The following ADAMTS13 variants were observed in gnomAD, a reference collection of about 807,000 sequenced individuals.
The protein encoded by ADAMTS13 is ADAM metallopeptidase with thrombospondin type 1 motif 13, also known as A disintegrin and metalloproteinase with thrombospondin motifs 13.
Under a neutral mutation model 155.1 loss-of-function variants are expected in ADAMTS13, and 110 were observed. The ratio of observed to expected loss-of-function variants is 0.71; its 90% CI spans 0.61 to 0.83. The LOEUF (loss-of-function observed/expected upper bound fraction) is 0.83. Among genes scored for constraint, ADAMTS13 ranks in the 40% least tolerant of loss-of-function variants. The pLI, the probability that ADAMTS13 is intolerant of heterozygous loss-of-function variation, is 0.00. For synonymous variants in ADAMTS13, 758 were observed against 756.4 expected (o/e 1.00, Z -0.03); for missense variants, 1,707 against 1,891.7 (o/e 0.90, Z 1.81).
intron 23 of ADAMTS13, among the ~76,000 whole-genome samples, chr9:133,450,343 C>A (rs1842358402): frequency 1.3e-5 from 2 of 151,752 alleles, no homozygotes; most frequent in Admixed American, 1.3e-4. Context: ...CTGAGGCGGG[C>A]AGATCACCTG....
chr9:133,443,594 G>T (rs1554791620), intron 19 of ADAMTS13, 33 bp downstream of exon 19: 1 of 1,516,320 alleles, frequency 6.6e-7, no homozygotes, highest in Non-Finnish European at 8.8e-7. Context: ...CTGGGAGAGG[G>T]CCTTCCTGGC....
Position 133,426,345 on chromosome 9 carries a change from G to C in ADAMTS13, c.686G>C (p.Ser229Thr). The change falls in exon 6 of 29, where the codon AGC becomes ACC. Residue 229 changes from serine to threonine, a missense_variant and splice_region_variant. Physicochemically the swap from Ser to Thr is moderately conservative, Grantham distance 58 (BLOSUM62 1). Transcript: ENST00000355699. ...ACCATTGCCCATGAGATTGGGCACA[G>C]GTATGTAGCCCCACCAGCTGTCCCC... ...GVTIAHEIGH[S>T]FGLEHDGAPG... 1 of 1,600,360 alleles carries C rather than the reference G, an allele frequency of 6.2e-7. No individual in the cohort carries two copies. Among genetic ancestry groups the C allele is most frequent in the Non-Finnish European group, 8.5e-7 (1 of 1,179,954 alleles).
exon 1 of ADAMTS13, chr9:133,414,640 C>T: frequency 6.2e-7 from 1 of 1,608,698 alleles, no homozygotes; most frequent in Non-Finnish European, 8.5e-7. Context: ...CCTCGGTTCT[C>T]AGTGGTGAGG....
chr9:133,458,780 G>A (rs587728759), intron 28 of ADAMTS13, among the ~76,000 whole-genome samples, 194 bp from the exon 29 acceptor site: 61 of 152,292 alleles, frequency 4.0e-4, no homozygotes, highest in African/African-American at 1.4e-3. Flanking sequence ...CTGGCACCCT[G>A]ACTGTGTGTC....
Position 133,424,546 on chromosome 9 carries a change from G to A in ADAMTS13, c.330+68G>A. ...GCTGGTGACCAATGTCTGTGGGCTG[G>A]TGTATCTGGTAGTCTGAATACAGTG... On this transcript the variant is annotated intron_variant, in intron 3 of 28. Transcript: ENST00000355699. The surrounding 1 kb of genome is among the most constrained non-coding windows in gnomAD (Gnocchi z 4.3). The A allele has an allele frequency of 6.4e-7, 1 of 1,562,252 alleles. No individual in the cohort carries two copies. Among genetic ancestry groups the A allele is most frequent in the South Asian group, 1.2e-5 (1 of 85,742 alleles).
chr9:133,426,289 T>A lies in ADAMTS13; in HGVS notation c.630T>A (p.Ile210=). 1 of 1,609,340 alleles carries A rather than the reference T, an allele frequency of 6.2e-7. No individual in the cohort carries two copies. ...GCTCCCCAACCTGGAGCTGCCTCATTACCGAGGACACTGGCTTCGACCTGG... is the reference window on the plus strand; with the variant it reads ...GCTCCCCAACCTGGAGCTGCCTCATAACCGAGGACACTGGCTTCGACCTGG... ...GACSPTWSCL[I]TEDTGFDLGV... The change falls in exon 6 of 29, where the codon ATT becomes ATA. Residue 210 remains isoleucine (I), a synonymous_variant. Coordinates refer to ENST00000355699, the MANE Select transcript of ADAMTS13 (RefSeq NM_139027.6).
intron 8 of ADAMTS13, 119 bp from the exon 9 acceptor site, chr9:133,432,469 T>C: frequency 1.1e-6 from 1 of 898,416 alleles, no homozygotes; most frequent in Non-Finnish European, 1.8e-6. Flanking sequence ...GTGCCCACGG[T>C]GCAGAGTGTT....
rs587643631 is a variant in ADAMTS13 at position 133,425,396 on chromosome 9, G to A, written c.331-133G>A. 1.1e-5 allele frequency: 8 copies of A among 719,058 alleles called. No homozygotes were observed. Among genetic ancestry groups the A allele is most frequent in the African/African-American group, 3.5e-5 (2 of 56,918 alleles). 44.5% of individuals were successfully genotyped at this position (719,058 alleles called of 1,614,324 possible). On this transcript the variant is annotated intron_variant, in intron 3 of 28. Transcript: ENST00000355699. This position sits in a 1 kb window ranked among gnomAD's most constrained non-coding sequence, Gnocchi z 4.6. ...GCACATTTTAGGAGCCCCCCGCCCC[G>A]CCCGGTTCCCACACATGCTGGTGGA...
chr9:133,440,258 C>T lies in ADAMTS13; in HGVS notation c.1787-86C>T. On this transcript the variant is annotated intron_variant, in intron 15 of 28. Coordinates refer to ENST00000355699, the MANE Select transcript of ADAMTS13 (RefSeq NM_139027.6). This position sits in a 1 kb window ranked among gnomAD's most constrained non-coding sequence, Gnocchi z 4.3. Reference sequence around the variant, plus strand: ...TGGCTCCTTAGAGGAGGGCTGGGGACCCCGGGAAGGAGAGTCACTGACATG... The same window carrying T: ...TGGCTCCTTAGAGGAGGGCTGGGGATCCCGGGAAGGAGAGTCACTGACATG... 6.4e-7 allele frequency: 1 copy of T among 1,573,442 alleles called. No homozygotes were observed.
chr9:133,415,501 T>TGTCAA (rs777764554), intron 1 of ADAMTS13, among the ~76,000 whole-genome samples: 259 of 152,162 alleles, frequency 1.7e-3, no homozygotes, highest in Non-Finnish European at 3.0e-3. Flanking sequence ...GAAAAGCTTC[T>TGTCAA]GTCAAACTGG....
In ADAMTS13 at chr9:133,459,179, G is replaced by A. The variant is rs782460891; in HGVS notation, c.4115G>A (p.Ter1372=). 1.2e-6 allele frequency: 2 copies of A among 1,606,620 alleles called. No individual in the cohort carries two copies. The highest frequency in any genetic ancestry group is 2.2e-5 in the South Asian group (2 of 89,964). ...PQSWKGKEGT[*] ...TCCTGGAAGGGAAAGGAAGGAACCT[G>A]AGGGTCATTGAACATTTGTTCCGTG... The change falls in exon 29 of 29, where the codon TGA becomes TAA. Residue 1372 remains the stop codon, a stop_retained_variant. Transcript: ENST00000355699.
At position 133,429,966 on chromosome 9, in the gene ADAMTS13, C is replaced by G. The variant is rs1554786692; in HGVS notation, c.852C>G (p.Asp284Glu). The G allele has an allele frequency of 1.3e-6, 2 of 1,540,428 alleles. No individual in the cohort carries two copies. The highest frequency in any genetic ancestry group is 1.7e-6 in the Non-Finnish European group (2 of 1,147,634). ...LSAGRARCVW[D>E]PPRPQPGSAG... The stretch of plus-strand genomic sequence containing the variant: ...CAGGACGGGCGCGCTGCGTGTGGGA[C>G]CCGCCGCGGCCTCAACCCGGGTCCG... Residue 284 changes from aspartate to glutamate, a missense_variant, in exon 8 of 29, where the codon GAC becomes GAG. Coordinates refer to ENST00000355699, the MANE Select transcript of ADAMTS13 (RefSeq NM_139027.6).
chr9:133,443,252 C>T, intron 18 of ADAMTS13, 124 bp from the exon 19 acceptor site: 1 of 1,241,980 alleles, frequency 8.1e-7, no homozygotes, highest in South Asian at 1.3e-5. Context: ...CCTGGAGAGG[C>T]TAGGCTGGCC....
At chr9:133,438,178 A>G in intron 13 of ADAMTS13, 68 bp from the exon 14 acceptor site, 1 of 1,612,454 alleles carries the variant, frequency 6.2e-7, no homozygotes, top group South Asian at 1.1e-5. Context: ...CAGAGCTGGC[A>G]GGGCTGCAGA....
chr9:133,441,771 T>A lies in ADAMTS13; in HGVS notation c.1969-628T>A, dbSNP rs1841689481. On this transcript the variant is annotated intron_variant, in intron 16 of 28. Transcript: ENST00000355699. The surrounding 1 kb of genome is among the most constrained non-coding windows in gnomAD (Gnocchi z 5.0). ...TTCTTCCTGCCGACCCTACCACAGG[T>A]CCCCAGGGATCCAGTTTCTTCCTGC... is the stretch of plus-strand genomic sequence containing the variant. Among the ~76,000 whole-genome samples the A allele has an allele frequency of 6.6e-6, 1 of 151,988 alleles. No individual in the cohort carries two copies. The highest frequency in any genetic ancestry group is 2.4e-5 in the African/African-American group (1 of 41,360).
chr9:133,458,160 G>C, intron 28 of ADAMTS13, 66 bp downstream of exon 28: 1 of 1,575,630 alleles, frequency 6.3e-7, no homozygotes, highest in Non-Finnish European at 8.6e-7. Context: ...TGCAGGGCTA[G>C]GGGACCCCCT....
In ADAMTS13 at chr9:133,440,570, G is replaced by A. The variant is rs1470429897; in HGVS notation, c.1968+45G>A. On this transcript the variant is annotated intron_variant, in intron 16 of 28. Transcript: ENST00000355699. This position sits in a 1 kb window ranked among gnomAD's most constrained non-coding sequence, Gnocchi z 4.3. ...GGAGGCCAGTGGGGGCTTCTTCTTG[G>A]GGGCTATGGCTGCTTGCTCGTTTGT... The A allele has an allele frequency of 6.5e-7, 1 of 1,537,710 alleles. No individual in the cohort carries two copies.
At chr9:133,437,719 A>G (rs1554789472) in intron 12 of ADAMTS13, 30 bp from the exon 13 acceptor site, 1 of 1,613,450 alleles carries the variant, frequency 6.2e-7, no homozygotes, top group Admixed American at 1.7e-5. Flanking sequence ...TGCTCGGTTC[A>G]GGACACCCTT....
chr9:133,456,341 C>A lies in ADAMTS13; in HGVS notation c.3547+126C>A. ...CCCACCTGTAGTTTGCATCCCATCT[C>A]ATGACTGGGGAGTGATGATCTGCAT... On this transcript the variant is annotated intron_variant, in intron 26 of 28. Transcript: ENST00000355699. This position sits in a 1 kb window ranked among gnomAD's most constrained non-coding sequence, Gnocchi z 4.4. 1 of 1,487,102 alleles carries A rather than the reference C, an allele frequency of 6.7e-7. No individual in the cohort carries two copies. Among genetic ancestry groups the A allele is most frequent in the Non-Finnish European group, 9.2e-7 (1 of 1,088,852 alleles). The allele number at this position is 1,487,102 out of a possible 1,614,324, so 92.1% of individuals were successfully genotyped here.
Sources: allele counts gnomAD v4.1 joint callset (sites outside exome capture counted in the v4.1 genomes callset), GRCh38; gene constraint gnomAD v4.1.1; non-coding constraint Gnocchi (gnomAD v3.1); transcripts MANE v1.5; gene names NCBI Gene and HGNC (gene_info 2026-07-23, HGNC 2026-07-21).